SLC30A8: variants seen among roughly 807,000 people sequenced by gnomAD.
The protein encoded by SLC30A8 is solute carrier family 30 member 8.
SLC30A8 carries 27 observed loss-of-function variants against 36.9 expected under a neutral mutation model. The ratio of observed to expected loss-of-function variants is 0.73; its 90% CI spans 0.54 to 1.01. The LOEUF (loss-of-function observed/expected upper bound fraction) is 1.01, where lower values mean the gene tolerates loss of function less well. SLC30A8 is among the 50% of genes least tolerant of loss of function. The probability of loss-of-function intolerance (pLI) is 0.00; values close to 1 mark genes in which losing one functional copy is unlikely to be tolerated. For synonymous variants in SLC30A8, 164 were observed against 172.4 expected, an observed-to-expected ratio of 0.95 and a Z score of 0.38; for missense variants, 439 against 452.0, an observed-to-expected ratio of 0.97 and a Z score of 0.26.
chr8:117,015,065 A>G (rs1816471285), intron 1 of SLC30A8, among the ~76,000 whole-genome samples: 1 of 151,664 alleles, frequency 6.6e-6, no homozygotes, highest in African/African-American at 2.4e-5. Flanking sequence ...TTTGGGATGA[A>G]GGTGGAAATT....
intron 6 of SLC30A8, among the ~76,000 whole-genome samples, chr8:117,168,910 C>T (rs1823211340): frequency 6.6e-6 from 1 of 152,150 alleles, no homozygotes; most frequent in Non-Finnish European, 1.5e-5. Flanking sequence ...ACCTCAATTT[C>T]CTCTTCTCTA....
At chr8:117,068,112 A>T (rs964796980) in intron 2 of SLC30A8, among the ~76,000 whole-genome samples, 9 of 152,204 alleles carry the variant, frequency 5.9e-5, no homozygotes, top group African/African-American at 2.4e-5. Flanking sequence ...TTGATGAAAG[A>T]AGTTTCATGA....
At chr8:117,032,669 A>T (rs1427787245) in intron 1 of SLC30A8, among the ~76,000 whole-genome samples, 1 of 152,156 alleles carries the variant, frequency 6.6e-6, no homozygotes, top group Non-Finnish European at 1.5e-5. Context: ...GTGGGCAGAT[A>T]ACCTGAGGTC....
intron 2 of SLC30A8, among the ~76,000 whole-genome samples, chr8:117,064,101 C>T (rs1049970191): frequency 2.0e-5 from 3 of 152,082 alleles, no homozygotes; most frequent in Non-Finnish European, 4.4e-5. Context: ...AAGTGATTCT[C>T]CAGCCTCAGC....
Position 117,172,860 on chromosome 8 carries a change from A to C in SLC30A8, c.*179A>C. ...GAAGGAAGAGGCACTGAGATCCATC[A>C]ATCAATTGGATTATATACTGATCAG... On this transcript the variant is annotated 3_prime_UTR_variant, in exon 8 of 8. Coordinates refer to ENST00000456015, the MANE Select transcript of SLC30A8 (RefSeq NM_173851.3). 1.5e-6 allele frequency: 1 copy of C among 679,684 alleles called. No homozygotes were observed. 42.1% of individuals were successfully genotyped at this position (679,684 alleles called of 1,614,324 possible). A position where few individuals can be genotyped will look rare whatever the true frequency, so the allele number is the denominator to read the frequency against.
At chr8:117,058,482 A>G (rs1207365401) in intron 2 of SLC30A8, among the ~76,000 whole-genome samples, 2 of 152,112 alleles carry the variant, frequency 1.3e-5, no homozygotes, top group Non-Finnish European at 2.9e-5. Context: ...TATCTTATTC[A>G]TGAGGGCTCC....
chr8:117,003,748 A>C (rs1158380948), intron 1 of SLC30A8, among the ~76,000 whole-genome samples: 3 of 152,194 alleles, frequency 2.0e-5, no homozygotes, highest in African/African-American at 7.2e-5. Flanking sequence ...TAGTAGCATA[A>C]GCAGTGAAAG....
At chr8:117,158,312 G>C (rs912763649) in intron 4 of SLC30A8, among the ~76,000 whole-genome samples, 4 of 152,204 alleles carry the variant, frequency 2.6e-5, no homozygotes, top group Admixed American at 2.6e-4. Context: ...TCTATGGGGT[G>C]AGCAGATGGT....
Position 117,157,832 on chromosome 8 carries a change from C to T in SLC30A8, c.560C>T (p.Ala187Val), listed in dbSNP as rs141202988. ...ATCATCGTTTCCAGCTGCGCAGTGG[C>T]GGCCAACATTGTGTAAGTCATCCCC... ...VMIIVSSCAV[A>V]ANIVLTVVLH... Residue 187 changes from alanine to valine, a missense_variant, in exon 4 of 8, where the codon GCG becomes GTG. Physicochemically the swap from Ala to Val is moderately conservative, Grantham distance 64. Transcript: ENST00000456015. 6.9e-5 allele frequency: 111 copies of T among 1,613,970 alleles called. 1 individual carries two copies. The highest frequency in any genetic ancestry group is 1.3e-4 in the Admixed American group (8 of 60,016).
intron 3 of SLC30A8, among the ~76,000 whole-genome samples, chr8:117,155,998 C>T (rs1031330758): frequency 1.3e-5 from 2 of 152,136 alleles, no homozygotes; most frequent in African/African-American, 4.8e-5. Context: ...TCTGCAGTGA[C>T]CCTATTTCCA....
chr8:117,039,107 A>G (rs1462006598), intron 1 of SLC30A8: 2 of 152,214 alleles, frequency 1.3e-5, no homozygotes, highest in Non-Finnish European at 2.9e-5. Flanking sequence ...TCATTCAGAC[A>G]GTCTTGTGCA....
intron 2 of SLC30A8, among the ~76,000 whole-genome samples, chr8:117,149,809 AT>A (rs1238134785): frequency 6.6e-6 from 1 of 152,120 alleles, no homozygotes; most frequent in Non-Finnish European, 1.5e-5. Context: ...GTTTGTTTCC[AT>A]TCATTCCTTT....
Position 117,159,416 on chromosome 8 carries a change from T to G in SLC30A8, c.572+1572T>G, listed in dbSNP as rs73317655. On this transcript the variant is annotated intron_variant, in intron 4 of 7. Transcript: ENST00000456015. ...TCTGGAATTCAAGAATAGCTGAGCA[T>G]GTACACTTTGAAAAAGGTCCTCAGG... Among the ~76,000 whole-genome samples, 1,103 of 152,320 alleles carry G rather than the reference T, an allele frequency of 7.2e-3. 15 individuals carry two copies. The highest frequency in any genetic ancestry group is 0.023 in the African/African-American group (942 of 41,574).
At chr8:117,147,748 A>G (rs981585374) in intron 2 of SLC30A8, 3 of 152,636 alleles carry the variant, frequency 2.0e-5, no homozygotes, top group African/African-American at 7.2e-5. Flanking sequence ...CGTCTCTACC[A>G]GCTCTACTTG....
intron 4 of SLC30A8, 137 bp downstream of exon 4, chr8:117,157,981 G>C (rs552498273): frequency 4.3e-4 from 411 of 955,492 alleles, no homozygotes; most frequent in Middle Eastern, 3.1e-3. Context: ...CTCTAAGATT[G>C]AAAATAAGGT....
At chr8:116,984,161 G>A (rs1340207433) in intron 1 of SLC30A8, among the ~76,000 whole-genome samples, 2 of 152,016 alleles carry the variant, frequency 1.3e-5, no homozygotes, top group Non-Finnish European at 2.9e-5. Context: ...TTATTGCTGT[G>A]TAGTATTCCA....
intron 2 of SLC30A8, among the ~76,000 whole-genome samples, chr8:117,122,248 C>A (rs1379504020): frequency 6.6e-6 from 1 of 151,934 alleles, no homozygotes; most frequent in Non-Finnish European, 1.5e-5. Flanking sequence ...TTGCTTACAG[C>A]TGCAACATTT....
chr8:117,071,313 T>C (rs1818325253), intron 2 of SLC30A8, among the ~76,000 whole-genome samples: 2 of 152,148 alleles, frequency 1.3e-5, no homozygotes, highest in South Asian at 4.1e-4. Context: ...ATGCTGAGCT[T>C]TTTTTTCATG....
intron 2 of SLC30A8, among the ~76,000 whole-genome samples, chr8:117,098,930 A>G (rs935587001): frequency 3.3e-5 from 5 of 152,168 alleles, no homozygotes; most frequent in African/African-American, 1.2e-4. Flanking sequence ...TAGAAACCAG[A>G]GACACCAAGT....
Sources: gnomAD v4.1 joint callset for allele counts (sites outside exome capture counted in the v4.1 genomes callset) on GRCh38, gnomAD v4.1.1 for gene constraint, MANE v1.5 for transcripts, NCBI Gene and HGNC (gene_info 2026-07-23, HGNC 2026-07-21) for gene names.